The following SYT2 variants were observed in gnomAD, a reference collection of about 807,000 sequenced individuals.
SYT2 encodes the protein synaptotagmin 2.
Under a neutral mutation model 39.9 loss-of-function variants are expected in SYT2, and 15 were observed. The ratio of observed to expected loss-of-function variants is 0.38; its 90% CI spans 0.25 to 0.58. The LOEUF is 0.58. Ranked by LOEUF, SYT2 falls within the 20% of genes least tolerant of loss-of-function variation. The pLI, the probability that SYT2 is intolerant of heterozygous loss-of-function variation, is 0.70. For synonymous variants in SYT2, 181 were observed against 204.5 expected, an observed-to-expected ratio of 0.89 and a Z score of 0.98; for missense variants, 389 against 530.3, an observed-to-expected ratio of 0.73 and a Z score of 2.62.
intron 1 of SYT2, among the ~76,000 whole-genome samples, chr1:202,621,297 A>G (rs527856778): frequency 6.6e-6 from 1 of 152,076 alleles, no homozygotes; most frequent in South Asian, 2.1e-4. Context: ...GTGTTTTTAA[A>G]TTTATTTTAT....
chr1:202,675,741 A>G (rs1420474526), intron 1 of SYT2, among the ~76,000 whole-genome samples: 1 of 152,064 alleles, frequency 6.6e-6, no homozygotes, highest in Non-Finnish European at 1.5e-5. Context: ...ATTTCCTCTA[A>G]CCGGTCCAAG....
At chr1:202,704,352 T>C (rs1315423488) in intron 1 of SYT2, among the ~76,000 whole-genome samples, 1 of 152,126 alleles carries the variant, frequency 6.6e-6, no homozygotes, top group Non-Finnish European at 1.5e-5. Context: ...GACACGGTTA[T>C]TTTGAGTTCT....
At chr1:202,692,789 G>A (rs1319595194) in intron 1 of SYT2, among the ~76,000 whole-genome samples, 1 of 152,228 alleles carries the variant, frequency 6.6e-6, no homozygotes, top group African/African-American at 2.4e-5. Flanking sequence ...GCTGGGGGCA[G>A]TGGCTCACAC....
chr1:202,694,507 C>T (rs924862750), intron 1 of SYT2, among the ~76,000 whole-genome samples: 5 of 152,146 alleles, frequency 3.3e-5, no homozygotes, highest in Admixed American at 3.3e-4. Context: ...GGACACCTGC[C>T]TGCCCTATTG....
At chr1:202,618,692 C>T (rs1691118550) in intron 1 of SYT2, among the ~76,000 whole-genome samples, 1 of 152,158 alleles carries the variant, frequency 6.6e-6, no homozygotes, top group Non-Finnish European at 1.5e-5. Flanking sequence ...GACCGCATGT[C>T]CTTCCCACAG....
At chr1:202,690,524 C>G (rs1313088632) in intron 1 of SYT2, among the ~76,000 whole-genome samples, 1 of 152,180 alleles carries the variant, frequency 6.6e-6, no homozygotes, top group African/African-American at 2.4e-5. Flanking sequence ...GCCTCAAGCC[C>G]AAGCCATCAG....
rs539872385 is a variant in SYT2 at position 202,685,885 on chromosome 1, C to T, written c.-18+24373G>A. Among the ~76,000 whole-genome samples, 19 of 152,140 alleles carry T rather than the reference C, an allele frequency of 1.2e-4. No individual in the cohort carries two copies. The South Asian group carries it at 2.1e-3, about 17-fold the overall frequency. ...AGCAAGGCGAGGGAATGAGATCATC[C>T]GGACACAGTCTCAGAGGCTCTGGGG... On this transcript the variant is annotated intron_variant, in intron 1 of 8. Transcript: ENST00000367268.
chr1:202,701,357 A>C (rs1402399570), intron 1 of SYT2, among the ~76,000 whole-genome samples: 2 of 152,242 alleles, frequency 1.3e-5, no homozygotes, highest in East Asian at 3.8e-4. Flanking sequence ...AAACAGATGC[A>C]CAGGTGATGG....
intron 1 of SYT2, among the ~76,000 whole-genome samples, chr1:202,703,724 G>C (rs1008384464): frequency 6.6e-6 from 1 of 152,026 alleles, no homozygotes; most frequent in Non-Finnish European, 1.5e-5. Context: ...TCACCCCCAG[G>C]CTGCTCCTTC....
chr1:202,601,803 G>T lies in SYT2; in HGVS notation c.801+87C>A. On this transcript the variant is annotated intron_variant, in intron 6 of 8. Transcript: ENST00000367268. The surrounding 1 kb of genome is among the most constrained non-coding windows in gnomAD (Gnocchi z 4.0). ...CTAACACAGGTCGTCTGCCTCCAAAGCCCACCCTGTTTCCATCATGCCAAG... is the reference window on the plus strand; with the variant it reads ...CTAACACAGGTCGTCTGCCTCCAAATCCCACCCTGTTTCCATCATGCCAAG... 1 of 1,446,788 alleles carries T rather than the reference G, an allele frequency of 6.9e-7. No homozygotes were observed. Among genetic ancestry groups the T allele is most frequent in the Non-Finnish European group, 9.5e-7 (1 of 1,056,094 alleles). 89.6% of individuals were successfully genotyped at this position (1,446,788 alleles called of 1,614,324 possible). A position where few individuals can be genotyped will look rare whatever the true frequency, so the allele number is the denominator to read the frequency against.
chr1:202,646,196 C>T (rs1428983653), intron 1 of SYT2, among the ~76,000 whole-genome samples: 1 of 152,348 alleles, frequency 6.6e-6, no homozygotes, highest in South Asian at 2.1e-4. Context: ...GCACCAGCAT[C>T]TCTAGATGCA....
At chr1:202,630,286 C>T (rs1244964416) in intron 1 of SYT2, 15 of 742,342 alleles carry the variant, frequency 2.0e-5, no homozygotes, top group Non-Finnish European at 2.5e-5. Context: ...TGACCCCTGG[C>T]TCCCACACAC....
At chr1:202,625,718 G>C (rs1691385307) in intron 1 of SYT2, among the ~76,000 whole-genome samples, 1 of 152,116 alleles carries the variant, frequency 6.6e-6, no homozygotes, top group Non-Finnish European at 1.5e-5. Context: ...CAGGCCCCCA[G>C]TCAACGCTCA....
At chr1:202,636,173 C>G (rs2149093755) in intron 1 of SYT2, among the ~76,000 whole-genome samples, 1 of 152,238 alleles carries the variant, frequency 6.6e-6, no homozygotes, top group Admixed American at 6.5e-5. Flanking sequence ...CACTCCTTCT[C>G]TCTTGCTAAG....
At chr1:202,705,358 G>A (rs998288350) in intron 1 of SYT2, among the ~76,000 whole-genome samples, 3 of 152,242 alleles carry the variant, frequency 2.0e-5, no homozygotes, top group South Asian at 2.1e-4. Flanking sequence ...AGCAGGAGGC[G>A]CAGGGAGGAG....
intron 8 of SYT2, 71 bp from the exon 9 acceptor site, chr1:202,597,034 C>T (rs765221782): frequency 1.5e-6 from 2 of 1,354,274 alleles, no homozygotes; most frequent in Admixed American, 3.5e-5. Context: ...TATCCTCCAT[C>T]AACCTCTACT....
intron 1 of SYT2, among the ~76,000 whole-genome samples, chr1:202,681,722 T>C (rs1158070889): frequency 6.6e-6 from 1 of 152,154 alleles, no homozygotes; most frequent in Non-Finnish European, 1.5e-5. Context: ...CATAGACATG[T>C]GTGGCACCAA....
chr1:202,704,286 G>C (rs1012107496), intron 1 of SYT2, among the ~76,000 whole-genome samples: 2 of 152,232 alleles, frequency 1.3e-5, no homozygotes, highest in Non-Finnish European at 2.9e-5. Context: ...GGGGACCCAG[G>C]AGAGGAGGAG....
intron 1 of SYT2, among the ~76,000 whole-genome samples, chr1:202,633,072 A>T (rs1691641055): frequency 6.6e-6 from 1 of 152,208 alleles, no homozygotes; most frequent in Non-Finnish European, 1.5e-5. Flanking sequence ...GAAGATGCAG[A>T]CGCGCCTCGC....
Sources: allele counts gnomAD v4.1 joint callset (sites outside exome capture counted in the v4.1 genomes callset), GRCh38; gene constraint gnomAD v4.1.1; non-coding constraint Gnocchi (gnomAD v3.1); transcripts MANE v1.5; gene names NCBI Gene and HGNC (gene_info 2026-07-23, HGNC 2026-07-21).